The following PCDHA4 variants were observed in gnomAD, a reference collection of about 807,000 sequenced individuals.
PCDHA4 encodes the protein protocadherin alpha 4, also known as protocadherin alpha-4.
Under a neutral mutation model 61.4 loss-of-function variants are expected in PCDHA4, and 49 were observed. The ratio of observed to expected loss-of-function variants is 0.80; its 90% CI spans 0.63 to 1.01. The LOEUF (loss-of-function observed/expected upper bound fraction) is 1.01. PCDHA4 is among the 50% of genes least tolerant of loss of function. PCDHA4 has a pLI of 0.00. For missense variants in PCDHA4, 1,254 were observed against 1,235.8 expected (o/e 1.01, Z -0.22); for synonymous variants, 590 against 550.3 (o/e 1.07, Z -1.01).
chr5:141,003,044 T>C (rs1459180030), intron 3 of PCDHA4, among the ~76,000 whole-genome samples: 1 of 152,230 alleles, frequency 6.6e-6, no homozygotes, highest in African/African-American at 2.4e-5. Flanking sequence ...CCTCCTGGCC[T>C]TAACAGAACA....
intron 1 of PCDHA4, among the ~76,000 whole-genome samples, chr5:140,874,018 G>T (rs1033387450): frequency 1.3e-5 from 2 of 152,114 alleles, no homozygotes; most frequent in Admixed American, 1.3e-4. Context: ...TTTTGAAAAT[G>T]AAAAATAGGA....
Position 140,828,897 on chromosome 5 carries a change from G to T in PCDHA4, c.2385+19325G>T, listed in dbSNP as rs2150160377. ...GTTATCAGACTGAATGCTTCTGATC[G>T]GGATGAAGGAGCGAATGGGGCAATT... On this transcript the variant is annotated intron_variant, in intron 1 of 3. Coordinates refer to ENST00000530339, the MANE Select transcript of PCDHA4 (RefSeq NM_018907.4). 1.5e-5 allele frequency: 25 copies of T among 1,614,052 alleles called. No homozygotes were observed. In the African/African-American group the frequency reaches 3.1e-4, roughly 20 times the overall value.
intron 1 of PCDHA4, among the ~76,000 whole-genome samples, chr5:140,922,406 G>C (rs1411149387): frequency 9.8e-5 from 15 of 152,288 alleles, no homozygotes; most frequent in African/African-American, 3.6e-4. Flanking sequence ...GGATTAAAAA[G>C]ATCTAGGTAC....
chr5:140,905,019 A>C (rs1000367022), intron 1 of PCDHA4, among the ~76,000 whole-genome samples: 23 of 152,044 alleles, frequency 1.5e-4, no homozygotes, highest in African/African-American at 5.6e-4. Context: ...ATTCTTTTCT[A>C]TGCAGAAGCT....
Position 140,856,558 on chromosome 5 carries a change from A to C in PCDHA4, c.2385+46986A>C, listed in dbSNP as rs372031038. ...GAGAGAACGCATTGCTTACTTACAAACTCAGTCCAAATGAGTATTTTGTTC... is the reference window on the plus strand; with the variant it reads ...GAGAGAACGCATTGCTTACTTACAACCTCAGTCCAAATGAGTATTTTGTTC... On this transcript the variant is annotated intron_variant, in intron 1 of 3. Coordinates refer to ENST00000530339, the MANE Select transcript of PCDHA4 (RefSeq NM_018907.4). The C allele has an allele frequency of 1.3e-5, 21 of 1,598,088 alleles. 2 individuals are homozygous for C. The East Asian group carries it at 1.8e-4, about 14-fold the overall frequency.
chr5:140,857,754 C>G, intron 1 of PCDHA4: 1 of 1,597,392 alleles, frequency 6.3e-7, no homozygotes, highest in Non-Finnish European at 8.6e-7. Flanking sequence ...GCGTCTCCCG[C>G]TGGCAGCGCG....
chr5:140,895,614 A>T (rs185386474), intron 1 of PCDHA4, among the ~76,000 whole-genome samples: 101 of 152,212 alleles, frequency 6.6e-4, no homozygotes, highest in African/African-American at 2.4e-3. Context: ...TTTCTCATTG[A>T]GGGTGTTGTC....
At chr5:140,869,772 T>A (rs1554163433) in intron 1 of PCDHA4, 1 of 1,613,190 alleles carries the variant, frequency 6.2e-7, no homozygotes, top group Non-Finnish European at 8.5e-7. Context: ...CAGAGCTTAC[T>A]GGCACCGTTC....
intron 1 of PCDHA4, chr5:140,868,982 A>T: frequency 6.7e-7 from 1 of 1,495,310 alleles, no homozygotes; most frequent in East Asian, 2.3e-5. Context: ...ATCATACCGG[A>T]TGCCACCGTT....
chr5:140,945,813 C>T (rs10477097), intron 1 of PCDHA4, among the ~76,000 whole-genome samples: 2 of 152,084 alleles, frequency 1.3e-5, no homozygotes, highest in East Asian at 3.8e-4. Flanking sequence ...TTATCTCACA[C>T]TGTATACAAA....
rs1554124939 is a variant in PCDHA4 at position 140,808,987 on chromosome 5, C to T, written c.1800C>T (p.Asp600=). The T allele has an allele frequency of 6.2e-7, 1 of 1,613,708 alleles. No individual in the cohort carries two copies. Among genetic ancestry groups the T allele is most frequent in the South Asian group, 1.1e-5 (1 of 91,058 alleles). Residue 600 remains aspartate, a synonymous_variant, in exon 1 of 4, where the codon GAC becomes GAT. Coordinates refer to ENST00000530339, the MANE Select transcript of PCDHA4 (RefSeq NM_018907.4). ...VVAKVRAVDA[D]SGYNAWLSYE... ...CAAAGGTGCGCGCGGTGGATGCTGA[C>T]TCGGGCTACAACGCGTGGCTTTCGT...
rs2150239887 is a variant in PCDHA4 at position 140,835,629 on chromosome 5, G to A, written c.2385+26057G>A. On this transcript the variant is annotated intron_variant, in intron 1 of 3. Coordinates refer to ENST00000530339, the MANE Select transcript of PCDHA4 (RefSeq NM_018907.4). ...GGTGCTGGACAGCGCTCTGGACCGC[G>A]AGAGTGTGTCCGCCTATGAGCTGGT... 7.4e-6 allele frequency: 12 copies of A among 1,613,910 alleles called. 1 individual carries two copies. The East Asian group carries it at 1.3e-4, about 18-fold the overall frequency.
chr5:140,875,610 C>T (rs1266412721), intron 1 of PCDHA4: 6 of 1,613,716 alleles, frequency 3.7e-6, no homozygotes, highest in African/African-American at 1.3e-5. Flanking sequence ...CCTTCGTGGG[C>T]CGCATCGCTC....
At chr5:141,003,221 G>A (rs2098116088) in intron 3 of PCDHA4, among the ~76,000 whole-genome samples, 1 of 152,206 alleles carries the variant, frequency 6.6e-6, no homozygotes, top group Admixed American at 6.5e-5. Flanking sequence ...GCATGAAAGA[G>A]GAAAGCTGGA....
chr5:140,899,249 G>A (rs1256693010), intron 1 of PCDHA4, among the ~76,000 whole-genome samples: 9 of 152,122 alleles, frequency 5.9e-5, no homozygotes, highest in African/African-American at 2.2e-4. Context: ...TGGTGAGAGA[G>A]GGCATCCCTG....
chr5:140,852,580 TTA>T, intron 1 of PCDHA4: 5 of 841,004 alleles, frequency 5.9e-6, no homozygotes, highest in South Asian at 5.3e-5. Context: ...CAAGGCTTTT[TTA>T]TTTTTTTTTT....
rs1338912507 is a variant in PCDHA4 at position 140,807,880 on chromosome 5, A to C, written c.693A>C (p.Thr231=). The change falls in exon 1 of 4, where the codon ACA becomes ACC. Residue 231 remains threonine (T), a synonymous_variant. Transcript: ENST00000530339. The stretch of plus-strand genomic sequence containing the variant: ...CTGGCACCGTTCAGTTACTCATCAC[A>C]GTACTGGATGCCAATGACAATGCCC... ...ELTGTVQLLI[T]VLDANDNAPA... 5.6e-6 allele frequency: 9 copies of C among 1,614,034 alleles called. No individual in the cohort carries two copies. The highest frequency in any genetic ancestry group is 1.3e-5 in the African/African-American group (1 of 74,926).
chr5:140,863,330 T>A, intron 1 of PCDHA4: 1 of 1,412,828 alleles, frequency 7.1e-7, no homozygotes, highest in Admixed American at 1.8e-5. Flanking sequence ...CTGTTAGTGC[T>A]CACGTTGCTG....
intron 1 of PCDHA4, chr5:140,822,585 G>T: frequency 6.2e-7 from 1 of 1,612,046 alleles, no homozygotes; most frequent in Non-Finnish European, 8.5e-7. Flanking sequence ...ATGCAGATGA[G>T]GGCATCAATA....
Sources: gnomAD v4.1 joint callset for allele counts (sites outside exome capture counted in the v4.1 genomes callset) on GRCh38, gnomAD v4.1.1 for gene constraint, MANE v1.5 for transcripts, NCBI Gene and HGNC (gene_info 2026-07-23, HGNC 2026-07-21) for gene names.